Variants in COQ10B observed in about 807,000 individuals in gnomAD.
The protein encoded by COQ10B is coenzyme Q10B.
A neutral mutation model predicts 27.6 loss-of-function variants in COQ10B; 12 were observed. The ratio of observed to expected loss-of-function variants is 0.43; its 90% CI spans 0.28 to 0.70. COQ10B has a LOEUF of 0.70. COQ10B is among the 30% of genes least tolerant of loss of function. COQ10B has a pLI of 0.17. For synonymous variants in COQ10B, 115 were observed against 103.0 expected (o/e 1.12, Z -0.71); for missense variants, 278 against 288.7 (o/e 0.96, Z 0.27).
rs1172376942 is a variant in COQ10B, at chr2:197,453,608, ATGCCGT to A, written c.49_54del (p.Cys17_Arg18del). ...CGGCCTTGAGAAGGGTAGTCTCGGG[ATGCCGT>A]CCGAAGTCGGCGACAGCGGCCGGGG... On this transcript the variant is annotated inframe_deletion, in exon 1 of 5. Coordinates refer to ENST00000263960, the MANE Select transcript of COQ10B (RefSeq NM_025147.5). The A allele has an allele frequency of 1.2e-6, 2 of 1,613,698 alleles. No homozygotes were observed. Among genetic ancestry groups the A allele is most frequent in the Non-Finnish European group, 1.7e-6 (2 of 1,179,968 alleles).
intron 3 of COQ10B, among the ~76,000 whole-genome samples, chr2:197,463,992 TATATAC>T (rs1284020114): frequency 0.011 from 708 of 65,726 alleles, 6 homozygotes; most frequent in South Asian, 0.013. Flanking sequence ...TATATATATA[TATATAC>T]ACACACACAC....
At chr2:197,455,257 C>T (rs773167350) in intron 1 of COQ10B, among the ~76,000 whole-genome samples, 1 of 151,978 alleles carries the variant, frequency 6.6e-6, no homozygotes, top group Non-Finnish European at 1.5e-5. Flanking sequence ...AAGCAAAGGT[C>T]TCATCTTTTT....
chr2:197,458,989 ATAATCT>A (rs2085729164), intron 1 of COQ10B, among the ~76,000 whole-genome samples: 1 of 152,090 alleles, frequency 6.6e-6, no homozygotes, highest in Non-Finnish European at 1.5e-5. Flanking sequence ...CACTTATGTA[ATAATCT>A]TATTAAGGAA....
chr2:197,453,982 G>A lies in COQ10B; in HGVS notation c.104+318G>A, dbSNP rs1445489955. On this transcript the variant is annotated intron_variant, in intron 1 of 4. Transcript: ENST00000263960. ...TCCCCTATGGCTTGTTGCTACTGCT[G>A]TTGGAAAGTTTTAACTTTGCGCAGA... 13 of 1,550,850 alleles carry A rather than the reference G, an allele frequency of 8.4e-6. No homozygotes were observed. In the East Asian group the frequency reaches 2.0e-4, roughly 23 times the overall value.
At chr2:197,470,313 A>G in intron 4 of COQ10B, 142 bp downstream of exon 4, 2 of 569,938 alleles carry the variant, frequency 3.5e-6, no homozygotes, top group Non-Finnish European at 6.3e-6. Flanking sequence ...TTTTTATTCT[A>G]TTTCTTGCAA....
intron 1 of COQ10B, among the ~76,000 whole-genome samples, chr2:197,456,380 G>A (rs960498232): frequency 6.6e-6 from 1 of 151,456 alleles, no homozygotes; most frequent in Non-Finnish European, 1.5e-5. Context: ...CAGGAGAATC[G>A]CTTGAACTGG....
At chr2:197,458,198 A>G (rs1055498876) in intron 1 of COQ10B, among the ~76,000 whole-genome samples, 16 of 151,316 alleles carry the variant, frequency 1.1e-4, no homozygotes, top group African/African-American at 3.9e-4. Context: ...CCATTTACAT[A>G]TATATGTATG....
intron 3 of COQ10B, among the ~76,000 whole-genome samples, chr2:197,469,652 A>T (rs1456022478): frequency 6.6e-6 from 1 of 152,214 alleles, no homozygotes; most frequent in Non-Finnish European, 1.5e-5. Flanking sequence ...TACCTTATTA[A>T]CATTTCAGTG....
chr2:197,474,189 A>G lies in COQ10B; in HGVS notation c.*265A>G, dbSNP rs2085924604. On this transcript the variant is annotated 3_prime_UTR_variant, in exon 5 of 5. Coordinates refer to ENST00000263960, the MANE Select transcript of COQ10B (RefSeq NM_025147.5). ...TCATCACCATTGCTAGAATACTGGC[A>G]TGATTCTTCTGAGCAGAAGTTGAAA... 7.4e-6 allele frequency: 2 copies of G among 270,398 alleles called. No individual in the cohort carries two copies. Among genetic ancestry groups the G allele is most frequent in the East Asian group, 1.3e-4 (2 of 15,542 alleles). The allele number at this position is 270,398 out of a possible 1,614,324, so 16.7% of individuals were successfully genotyped here. A position where few individuals can be genotyped will look rare whatever the true frequency, so the allele number is the denominator to read the frequency against.
At chr2:197,468,292 A>T (rs1359149301) in intron 3 of COQ10B, among the ~76,000 whole-genome samples, 1 of 152,016 alleles carries the variant, frequency 6.6e-6, no homozygotes, top group Non-Finnish European at 1.5e-5. Flanking sequence ...TACGAAAAAA[A>T]ATTAGCCGAG....
At chr2:197,466,112 A>G (rs2085822658) in intron 3 of COQ10B, among the ~76,000 whole-genome samples, 2 of 152,124 alleles carry the variant, frequency 1.3e-5, no homozygotes, top group South Asian at 4.1e-4. Flanking sequence ...ACACAAAACA[A>G]AAACAAAACC....
At position 197,473,415 on chromosome 2, in the gene COQ10B, A is replaced by ATAT. The variant is rs1553575308; in HGVS notation, c.550-342_550-341insTAT. On this transcript the variant is annotated intron_variant, in intron 4 of 4. Transcript: ENST00000263960. The stretch of plus-strand genomic sequence containing the variant: ...CGCCCCCCCCCACAAAAAAAAAAAA[A>ATAT]ATATATATATATATATATATATATA... 5.5e-3 allele frequency among the ~76,000 whole-genome samples: 326 copies of ATAT among 59,330 alleles called. 1 individual carries two copies. Among genetic ancestry groups the ATAT allele is most frequent in the Admixed American group, 6.7e-3 (30 of 4,488 alleles). 38.9% of individuals were successfully genotyped at this position (59,330 alleles called of 152,430 possible).
At position 197,459,969 on chromosome 2, in the gene COQ10B, C is replaced by G. The variant is rs34946819; in HGVS notation, c.142C>G (p.Leu48Val). The G allele has an allele frequency of 1.2e-6, 2 of 1,611,830 alleles. No homozygotes were observed. The highest frequency in any genetic ancestry group is 1.7e-4 in the Middle Eastern group (1 of 5,958). Residue 48 changes from leucine (L) to valine (V), a missense_variant, in exon 2 of 5, where the codon CTT becomes GTT. This residue lies in a region of COQ10B where 183 missense variants were observed against 158.2 expected (regional missense o/e 1.16). Transcript: ENST00000263960. ...CTGTGGTATACTGATGAGCAGAACT[C>G]TTCCACTACATACCTCAATTTTGCC... ...ASCGILMSRTLPLHTSILPKE... is the reference protein window; with the variant it reads ...ASCGILMSRTVPLHTSILPKE...
chr2:197,474,200 G>T lies in COQ10B; in HGVS notation c.*276G>T. On this transcript the variant is annotated 3_prime_UTR_variant, in exon 5 of 5. Coordinates refer to ENST00000263960, the MANE Select transcript of COQ10B (RefSeq NM_025147.5). The stretch of plus-strand genomic sequence containing the variant: ...GCTAGAATACTGGCATGATTCTTCT[G>T]AGCAGAAGTTGAAACTGTAAATTTA... The T allele has an allele frequency of 3.9e-6, 1 of 254,612 alleles. No individual in the cohort carries two copies. Among genetic ancestry groups the T allele is most frequent in the Non-Finnish European group, 7.4e-6 (1 of 135,468 alleles). The allele number at this position is 254,612 out of a possible 1,614,324, so 15.8% of individuals were successfully genotyped here. A position where few individuals can be genotyped will look rare whatever the true frequency, so the allele number is the denominator to read the frequency against.
chr2:197,454,985 C>G (rs536137071), intron 1 of COQ10B, among the ~76,000 whole-genome samples: 30 of 152,058 alleles, frequency 2.0e-4, no homozygotes, highest in South Asian at 4.1e-4. Context: ...ACATAGTATT[C>G]CTGGCAGTGC....
chr2:197,453,778 C>G (rs895416374), intron 1 of COQ10B, 114 bp downstream of exon 1: 2 of 1,080,940 alleles, frequency 1.9e-6, no homozygotes, highest in East Asian at 4.8e-5. Flanking sequence ...ATTTCCGTGT[C>G]TTTAGAGGAG....
At chr2:197,461,877 G>C (rs1176466388) in intron 2 of COQ10B, among the ~76,000 whole-genome samples, 1 of 151,910 alleles carries the variant, frequency 6.6e-6, no homozygotes. Context: ...CTGACCTCAG[G>C]TGATCTACCC....
intron 2 of COQ10B, among the ~76,000 whole-genome samples, chr2:197,461,908 T>C (rs1239429253): frequency 6.6e-6 from 1 of 152,014 alleles, no homozygotes; most frequent in Non-Finnish European, 1.5e-5. Context: ...CCCAAAGTGC[T>C]GGGATTACAG....
At chr2:197,473,403 A>G (rs2085900073) in intron 4 of COQ10B, among the ~76,000 whole-genome samples, 1 of 45,780 alleles carries the variant, frequency 2.2e-5, no homozygotes, top group African/African-American at 1.3e-4. Context: ...CCCCCCCCAC[A>G]AAAAAAAAAA....
Sources: gnomAD v4.1 joint callset for allele counts (sites outside exome capture counted in the v4.1 genomes callset) on GRCh38, gnomAD v4.1.1 for gene constraint, gnomAD v4.1.1 regional missense constraint, MANE v1.5 for transcripts, NCBI Gene and HGNC (gene_info 2026-07-23, HGNC 2026-07-21) for gene names.